The following SHISA6 variants were observed in gnomAD, a reference collection of about 807,000 sequenced individuals.
SHISA6 encodes protein shisa-6.
SHISA6 carries 22 observed loss-of-function variants against 47.9 expected under a neutral mutation model. The observed-to-expected ratio is 0.46, with a 90% CI of 0.33 to 0.66. The LOEUF (loss-of-function observed/expected upper bound fraction) is 0.66. Ranked by LOEUF, SHISA6 falls within the 30% of genes least tolerant of loss-of-function variation. The pLI, the probability that SHISA6 is intolerant of heterozygous loss-of-function variation, is 0.02. For missense variants in SHISA6, 680 were observed against 764.6 expected, an observed-to-expected ratio of 0.89 and a Z score of 1.30; for synonymous variants, 388 against 337.8, an observed-to-expected ratio of 1.15 and a Z score of -1.63.
intron 2 of SHISA6, among the ~76,000 whole-genome samples, chr17:11,323,408 A>T (rs1948485435): frequency 6.6e-6 from 1 of 152,140 alleles, no homozygotes; most frequent in Admixed American, 6.5e-5. Context: ...TAATCCCAGT[A>T]CTTTGGGAGG....
intron 4 of SHISA6, among the ~76,000 whole-genome samples, chr17:11,553,894 A>C (rs1378636559): frequency 2.0e-5 from 3 of 152,230 alleles, no homozygotes; most frequent in Non-Finnish European, 4.4e-5. Flanking sequence ...ACATTGGCAC[A>C]GCAAAATGTC....
At chr17:11,346,036 G>T (rs1911690828) in intron 2 of SHISA6, among the ~76,000 whole-genome samples, 1 of 152,040 alleles carries the variant, frequency 6.6e-6, no homozygotes, top group Non-Finnish European at 1.5e-5. Flanking sequence ...TTCTCATCCT[G>T]GGAGAAAGCA....
intron 3 of SHISA6, among the ~76,000 whole-genome samples, chr17:11,407,691 G>A (rs1157433502): frequency 1.3e-5 from 2 of 152,132 alleles, no homozygotes; most frequent in Admixed American, 6.6e-5. Flanking sequence ...GAGGAGTTCG[G>A]TTGATGGTTT....
chr17:11,534,846 C>A (rs1247934947), intron 3 of SHISA6, among the ~76,000 whole-genome samples: 1 of 151,916 alleles, frequency 6.6e-6, no homozygotes, highest in Non-Finnish European at 1.5e-5. Flanking sequence ...AGGAAGGCTA[C>A]GGGCCAGGAG....
At chr17:11,502,136 G>A (rs187865278) in intron 3 of SHISA6, among the ~76,000 whole-genome samples, 270 of 152,180 alleles carry the variant, frequency 1.8e-3, no homozygotes, top group African/African-American at 6.2e-3. Flanking sequence ...CAGGCCGGGC[G>A]CGGTGGCTCA....
At chr17:11,431,932 AC>A (rs968025639) in intron 3 of SHISA6, among the ~76,000 whole-genome samples, 14 of 152,094 alleles carry the variant, frequency 9.2e-5, no homozygotes, top group Admixed American at 2.6e-4. Flanking sequence ...CTGTCCAACC[AC>A]CCCCACACTC....
At chr17:11,254,403 G>A (rs1283903681) in intron 1 of SHISA6, among the ~76,000 whole-genome samples, 1 of 152,230 alleles carries the variant, frequency 6.6e-6, no homozygotes, top group Non-Finnish European at 1.5e-5. Context: ...ACAGCTCTGG[G>A]ATGTGGGAGG....
At chr17:11,459,741 C>G (rs561161722) in intron 3 of SHISA6, among the ~76,000 whole-genome samples, 1 of 152,196 alleles carries the variant, frequency 6.6e-6, no homozygotes, top group African/African-American at 2.4e-5. Context: ...AAACACAGAA[C>G]CCAGTTCCTT....
At chr17:11,314,144 G>T (rs1397352679) in intron 2 of SHISA6, among the ~76,000 whole-genome samples, 1 of 151,994 alleles carries the variant, frequency 6.6e-6, no homozygotes, top group Non-Finnish European at 1.5e-5. Context: ...TTGGTTTTTA[G>T]GAGTATTTTA....
intron 1 of SHISA6, among the ~76,000 whole-genome samples, chr17:11,260,693 G>T (rs1434917412): frequency 6.6e-6 from 1 of 151,538 alleles, no homozygotes; most frequent in Admixed American, 6.6e-5. Context: ...TCTCTTCTCT[G>T]AACCTTCCCT....
At chr17:11,320,227 G>A (rs1454152993) in intron 2 of SHISA6, among the ~76,000 whole-genome samples, 1 of 152,172 alleles carries the variant, frequency 6.6e-6, no homozygotes, top group African/African-American at 2.4e-5. Context: ...ACTCTTTTGG[G>A]TACATTGTAG....
intron 3 of SHISA6, among the ~76,000 whole-genome samples, chr17:11,406,283 C>T (rs560848849): frequency 4.7e-4 from 71 of 152,198 alleles, no homozygotes; most frequent in Non-Finnish European, 8.7e-4. Context: ...TGGTCCTTCC[C>T]TAAGAACACT....
At chr17:11,417,318 A>C (rs963969788) in intron 3 of SHISA6, among the ~76,000 whole-genome samples, 1 of 152,194 alleles carries the variant, frequency 6.6e-6, no homozygotes, top group Non-Finnish European at 1.5e-5. Flanking sequence ...GATTCCGAAA[A>C]CACAAGTAGG....
At chr17:11,404,005 G>T (rs1465212181) in intron 3 of SHISA6, among the ~76,000 whole-genome samples, 1 of 152,106 alleles carries the variant, frequency 6.6e-6, no homozygotes, top group Non-Finnish European at 1.5e-5. Context: ...TCTCACACCT[G>T]CTGTCTTATT....
chr17:11,523,920 C>T (rs1479354296), intron 3 of SHISA6, among the ~76,000 whole-genome samples: 1 of 151,820 alleles, frequency 6.6e-6, no homozygotes, highest in Non-Finnish European at 1.5e-5. Flanking sequence ...GCAGGAGAAT[C>T]GCTTGAACCC....
chr17:11,539,312 AC>A (rs978153414), intron 3 of SHISA6, among the ~76,000 whole-genome samples: 66 of 152,004 alleles, frequency 4.3e-4, no homozygotes, highest in Non-Finnish European at 8.1e-4. Context: ...CATTATTTGT[AC>A]CCCCCAACTT....
chr17:11,351,597 A>T (rs1280069345), intron 2 of SHISA6, among the ~76,000 whole-genome samples: 2 of 152,224 alleles, frequency 1.3e-5, no homozygotes, highest in African/African-American at 4.8e-5. Flanking sequence ...TACAGCAGTG[A>T]TCACATTTCA....
chr17:11,336,062 A>G (rs1911308902), intron 2 of SHISA6, among the ~76,000 whole-genome samples: 4 of 151,216 alleles, frequency 2.6e-5, no homozygotes, highest in African/African-American at 9.7e-5. Flanking sequence ...TCCAAAAACT[A>G]GCTGGGCATG....
chr17:11,323,060 T>G (rs1056796604), intron 2 of SHISA6, among the ~76,000 whole-genome samples: 7 of 152,200 alleles, frequency 4.6e-5, no homozygotes, highest in Admixed American at 3.3e-4. Context: ...AGTCTTCCCA[T>G]CCTATGCCCA....
Sources: allele counts gnomAD v4.1 joint callset (sites outside exome capture counted in the v4.1 genomes callset), GRCh38; gene constraint gnomAD v4.1.1; transcripts MANE v1.5; gene names NCBI Gene and HGNC (gene_info 2026-07-23, HGNC 2026-07-21).